The following CACNA1B variants were observed in gnomAD, a reference collection of about 807,000 sequenced individuals.
The protein encoded by CACNA1B is calcium voltage-gated channel subunit alpha1 B.
A neutral mutation model predicts 247.2 loss-of-function variants in CACNA1B; 70 were observed. The observed-to-expected ratio is 0.28, with a 90% CI of 0.23 to 0.35. CACNA1B has a LOEUF of 0.35. CACNA1B is among the 10% of genes least tolerant of loss of function. The pLI, the probability that CACNA1B is intolerant of heterozygous loss-of-function variation, is 1.00. For missense variants in CACNA1B, 2,367 were observed against 3,197.4 expected, an observed-to-expected ratio of 0.74 and a Z score of 6.26; for synonymous variants, 1,231 against 1,294.4, an observed-to-expected ratio of 0.95 and a Z score of 1.05.
chr9:137,909,074 T>G (rs1957331501), intron 3 of CACNA1B, among the ~76,000 whole-genome samples: 1 of 150,212 alleles, frequency 6.7e-6, no homozygotes, highest in Non-Finnish European at 1.5e-5. Flanking sequence ...CACTGCAACC[T>G]CCGCCTCCTG....
rs748448498 is a variant in CACNA1B at position 137,976,029 on chromosome 9, A to G, written c.1656+10A>G. 2.0e-6 allele frequency: 3 copies of G among 1,478,818 alleles called. No homozygotes were observed. The highest frequency in any genetic ancestry group is 2.8e-5 in the African/African-American group (2 of 72,168). 91.6% of individuals were successfully genotyped at this position (1,478,818 alleles called of 1,614,324 possible). On this transcript the variant is annotated intron_variant, in intron 12 of 46. Coordinates refer to ENST00000371372, the MANE Select transcript of CACNA1B (RefSeq NM_000718.4). ...CTGCTTCGACTTTGGGGTGAGTGAGAGGCCTGATCAGGGGCCCAGGCTGTA... is the reference window on the plus strand; with the variant it reads ...CTGCTTCGACTTTGGGGTGAGTGAGGGGCCTGATCAGGGGCCCAGGCTGTA...
At chr9:138,039,803 G>A (rs570935004) in intron 20 of CACNA1B, among the ~76,000 whole-genome samples, 1 of 151,824 alleles carries the variant, frequency 6.6e-6, no homozygotes, top group Admixed American at 6.6e-5. Context: ...GCTTCCGAGG[G>A]ATATGTTTTC....
intron 20 of CACNA1B, among the ~76,000 whole-genome samples, chr9:138,040,068 A>G (rs1245400457): frequency 6.6e-6 from 1 of 152,114 alleles, no homozygotes; most frequent in East Asian, 1.9e-4. Flanking sequence ...CCTCTGCAGT[A>G]GTTGGACCAC....
Position 138,046,990 on chromosome 9 carries a change from T to C in CACNA1B, c.3500T>C (p.Leu1167Pro), listed in dbSNP as rs1200215605. ...GTCATCGCCTTGAGCAGCATCGCCC[T>C]GGCTGCTGAGGACCCAGTGCGCACA... ...LVVIALSSIA[L>P]AAEDPVRTDS... Residue 1167 changes from leucine (L) to proline (P), a missense_variant, in exon 22 of 47, where the codon CTG (leucine) becomes CCG (proline). By Grantham distance (98) the Leu-to-Pro change is moderately conservative (BLOSUM62 -3). Transcript: ENST00000371372. 1 of 1,613,396 alleles carries C rather than the reference T, an allele frequency of 6.2e-7. No individual in the cohort carries two copies.
intron 31 of CACNA1B, among the ~76,000 whole-genome samples, chr9:138,067,896 T>A (rs1393707790): frequency 6.6e-6 from 1 of 152,184 alleles, no homozygotes; most frequent in Non-Finnish European, 1.5e-5. Context: ...GGCACCAGCG[T>A]TCTGCCGACC....
intron 40 of CACNA1B, among the ~76,000 whole-genome samples, chr9:138,112,836 C>T (rs574822882): frequency 2.2e-4 from 33 of 152,044 alleles, no homozygotes; most frequent in African/African-American, 7.0e-4. Context: ...CGTGAGGGAG[C>T]GCGGGGAGGT....
At position 137,971,620 on chromosome 9, in the gene CACNA1B, G is replaced by A. The variant is rs201931581; in HGVS notation, c.1543+28G>A. ...ACGTATCCCCGTCCCTCCCTCAGGT[G>A]CTTCCTGAGCATCTCTGCTCTCAGT... On this transcript the variant is annotated intron_variant, in intron 11 of 46. Coordinates refer to ENST00000371372, the MANE Select transcript of CACNA1B (RefSeq NM_000718.4). The surrounding 1 kb of genome is among the most constrained non-coding windows in gnomAD (Gnocchi z 4.4). 3.8e-6 allele frequency: 6 copies of A among 1,565,344 alleles called. No individual in the cohort carries two copies. The highest frequency in any genetic ancestry group is 4.4e-6 in the Non-Finnish European group (5 of 1,140,708).
chr9:137,908,436 A>C (rs1229524192), intron 3 of CACNA1B, among the ~76,000 whole-genome samples: 1 of 151,778 alleles, frequency 6.6e-6, no homozygotes, highest in East Asian at 2.0e-4. Flanking sequence ...GAATCGCTTG[A>C]ACCCAGGAGG....
At position 138,035,062 on chromosome 9, in the gene CACNA1B, G is replaced by T. The variant is rs146280786; in HGVS notation, c.3287-8712G>T. Among the ~76,000 whole-genome samples, 163 of 152,342 alleles carry T rather than the reference G, an allele frequency of 1.1e-3. 3 individuals carry two copies. The highest frequency in any genetic ancestry group is 3.6e-3 in the African/African-American group (150 of 41,580). The stretch of plus-strand genomic sequence containing the variant: ...GAACAGCTAGCAACTTAAAACTTAT[G>T]AATTACTTCTGGAATTTTCCACCTG... On this transcript the variant is annotated intron_variant, in intron 20 of 46. Transcript: ENST00000371372.
rs920790358 is a variant in CACNA1B, at chr9:138,073,879, C to A, written c.4792-122C>A. The stretch of plus-strand genomic sequence containing the variant: ...TCACTTGGTGGAGGGGCTTGGTGGC[C>A]AGTGGGATGGAGCTTGAGTAGGCTG... On this transcript the variant is annotated intron_variant, in intron 33 of 46. Coordinates refer to ENST00000371372, the MANE Select transcript of CACNA1B (RefSeq NM_000718.4). The surrounding 1 kb of genome is among the most constrained non-coding windows in gnomAD (Gnocchi z 6.4). The A allele has an allele frequency of 1.3e-6, 1 of 768,858 alleles. No homozygotes were observed. Among genetic ancestry groups the A allele is most frequent in the Non-Finnish European group, 2.2e-6 (1 of 444,468 alleles). The allele number at this position is 768,858 out of a possible 1,614,324, so 47.6% of individuals were successfully genotyped here. A position where few individuals can be genotyped will look rare whatever the true frequency, so the allele number is the denominator to read the frequency against.
intron 44 of CACNA1B, 148 bp from the exon 45 acceptor site, chr9:138,120,017 A>AT: frequency 1.5e-6 from 1 of 679,174 alleles, no homozygotes; most frequent in Non-Finnish European, 2.5e-6. Context: ...CTGGGCTACC[A>AT]TTTCAGGCCT....
Position 138,051,710 on chromosome 9 carries a change from A to T in CACNA1B, c.3711-382A>T, listed in dbSNP as rs1959287487. The stretch of plus-strand genomic sequence containing the variant: ...AAAAAGCAAGGAAAAAAGCCCTTCC[A>T]GAAGATTCTCGCCCTAGAAACGTGC... On this transcript the variant is annotated intron_variant, in intron 24 of 46. Coordinates refer to ENST00000371372, the MANE Select transcript of CACNA1B (RefSeq NM_000718.4). This position sits in a 1 kb window ranked among gnomAD's most constrained non-coding sequence, Gnocchi z 4.3. 6.6e-6 allele frequency among the ~76,000 whole-genome samples: 1 copy of T among 152,070 alleles called. No homozygotes were observed. The highest frequency in any genetic ancestry group is 1.5e-5 in the Non-Finnish European group (1 of 68,012).
chr9:138,088,025 A>G (rs946921884), intron 36 of CACNA1B, among the ~76,000 whole-genome samples: 2 of 152,164 alleles, frequency 1.3e-5, no homozygotes, highest in Non-Finnish European at 2.9e-5. Flanking sequence ...AGATCAGAAC[A>G]AGAGCAAAAA....
Position 138,039,100 on chromosome 9 carries a change from A to G in CACNA1B, c.3287-4674A>G, listed in dbSNP as rs183116432. Among the ~76,000 whole-genome samples the G allele has an allele frequency of 6.4e-4, 98 of 152,090 alleles. 2 individuals carry two copies. In the East Asian group the frequency reaches 7.2e-3, roughly 11 times the overall value. On this transcript the variant is annotated intron_variant, in intron 20 of 46. Transcript: ENST00000371372. The stretch of plus-strand genomic sequence containing the variant: ...AATCCCAGCTACTCAGGAGGCTGAG[A>G]CAGGAGAATCGCTTGAACCCAGGAG...
At chr9:138,015,581 C>T (rs1958781296) in intron 18 of CACNA1B, among the ~76,000 whole-genome samples, 1 of 146,830 alleles carries the variant, frequency 6.8e-6, no homozygotes, top group African/African-American at 2.7e-5. Flanking sequence ...CTGCCCCCAA[C>T]AGCTGTGCTG....
chr9:137,916,795 G>A (rs1004477112), intron 5 of CACNA1B, among the ~76,000 whole-genome samples: 9 of 152,102 alleles, frequency 5.9e-5, no homozygotes, highest in African/African-American at 7.2e-5. Context: ...CAGTTTGGCC[G>A]TGAGGGAGAG....
At chr9:137,983,869 A>G (rs983679197) in intron 12 of CACNA1B, among the ~76,000 whole-genome samples, 15 of 115,940 alleles carry the variant, frequency 1.3e-4, no homozygotes, top group Middle Eastern at 6.8e-3. Flanking sequence ...AACCTGGTCC[A>G]TGTCCTGTGT....
chr9:137,971,379 T>A lies in CACNA1B; in HGVS notation c.1334-4T>A. On this transcript the variant is annotated splice_region_variant and splice_polypyrimidine_tract_variant and intron_variant, in intron 10 of 46. Coordinates refer to ENST00000371372, the MANE Select transcript of CACNA1B (RefSeq NM_000718.4). The surrounding 1 kb of genome is among the most constrained non-coding windows in gnomAD (Gnocchi z 4.4). The stretch of plus-strand genomic sequence containing the variant: ...ACATCCTCAGTAACTCCCCATCCCC[T>A]CAGGATCCCCCTTCGCCCGCGCCAG... 6.2e-7 allele frequency: 1 copy of A among 1,605,744 alleles called. No homozygotes were observed. The highest frequency in any genetic ancestry group is 8.5e-7 in the Non-Finnish European group (1 of 1,175,952).
In CACNA1B at chr9:138,047,476, C is replaced by G. The variant is rs377673584; in HGVS notation, c.3603+18C>G. 4 of 1,582,268 alleles carry G rather than the reference C, an allele frequency of 2.5e-6. No individual in the cohort carries two copies. The highest frequency in any genetic ancestry group is 1.1e-5 in the South Asian group (1 of 90,422). On this transcript the variant is annotated intron_variant, in intron 23 of 46. Coordinates refer to ENST00000371372, the MANE Select transcript of CACNA1B (RefSeq NM_000718.4). ...TGATAAAGGTGAGATATGTGGCTGC[C>G]CTTGTGACCCCAGTGTTTTGCTCTC...
Sources: gnomAD v4.1 joint callset for allele counts (sites outside exome capture counted in the v4.1 genomes callset) on GRCh38, gnomAD v4.1.1 for gene constraint, Gnocchi (gnomAD v3.1) non-coding constraint, MANE v1.5 for transcripts, NCBI Gene and HGNC (gene_info 2026-07-23, HGNC 2026-07-21) for gene names.